Variants in MARCHF8 observed in about 807,000 individuals in gnomAD.
MARCHF8 encodes E3 ubiquitin-protein ligase MARCHF8.
In MARCHF8, 40 loss-of-function variants were observed where a neutral mutation model predicts 51.6. The observed-to-expected ratio is 0.77, with a 90% CI of 0.60 to 1.01. MARCHF8 has a LOEUF of 1.01. MARCHF8 is among the 50% of genes least tolerant of loss of function. The pLI is 0.00. For synonymous variants in MARCHF8, 263 were observed against 280.3 expected (o/e 0.94, Z 0.62); for missense variants, 685 against 708.6 (o/e 0.97, Z 0.38).
intron 2 of MARCHF8, among the ~76,000 whole-genome samples, chr10:45,495,328 TAGTG>T (rs1564484369): frequency 2.6e-5 from 4 of 152,000 alleles, no homozygotes; most frequent in Admixed American, 1.3e-4. Context: ...AAAAAAAAAT[TAGTG>T]AGCAGAGTGG....
chr10:45,480,377 G>A (rs1757235005), intron 3 of MARCHF8, among the ~76,000 whole-genome samples: 1 of 152,170 alleles, frequency 6.6e-6, no homozygotes. Context: ...GTAACGAAGA[G>A]CCAAATGTTA....
chr10:45,576,611 C>G (rs1472867138), intron 1 of MARCHF8, among the ~76,000 whole-genome samples: 3 of 151,766 alleles, frequency 2.0e-5, no homozygotes, highest in Non-Finnish European at 4.4e-5. Flanking sequence ...GAACGTGTCC[C>G]CAAAATTCTC....
intron 1 of MARCHF8, among the ~76,000 whole-genome samples, chr10:45,573,503 GC>G (rs1275908253): frequency 3.3e-5 from 5 of 152,178 alleles, no homozygotes; most frequent in Non-Finnish European, 7.3e-5. Context: ...CGGAAATCTG[GC>G]CACTGGGCGA....
rs1188379532 is a variant in MARCHF8, at chr10:45,455,285, T to C, written c.*2954A>G. On this transcript the variant is annotated 3_prime_UTR_variant, in exon 8 of 8. Transcript: ENST00000453424. The stretch of plus-strand genomic sequence containing the variant: ...AGGCCTACAGTAGGAAGAGACCTTT[T>C]ATAGAGTTTTCAGGAAATTCTCACA... The C allele has an allele frequency of 6.6e-6, 1 of 152,228 alleles. No individual in the cohort carries two copies. Among genetic ancestry groups the C allele is most frequent in the Non-Finnish European group, 1.5e-5 (1 of 68,046 alleles). The allele number at this position is 152,228 out of a possible 1,614,324, so 9.4% of individuals were successfully genotyped here. A position where few individuals can be genotyped will look rare whatever the true frequency, so the allele number is the denominator to read the frequency against.
chr10:45,592,396 G>A (rs2044690627), intron 1 of MARCHF8, among the ~76,000 whole-genome samples: 1 of 152,054 alleles, frequency 6.6e-6, no homozygotes. Flanking sequence ...AACAGTCCAC[G>A]GCTTTAGAAA....
intron 3 of MARCHF8, among the ~76,000 whole-genome samples, chr10:45,484,936 G>A (rs1589106491): frequency 6.6e-6 from 1 of 151,952 alleles, no homozygotes; most frequent in South Asian, 2.1e-4. Context: ...CAGAAACACT[G>A]AAGAATTGAA....
intron 3 of MARCHF8, among the ~76,000 whole-genome samples, chr10:45,472,945 T>TAATAA (rs2042721013): frequency 6.6e-6 from 1 of 152,240 alleles, no homozygotes; most frequent in South Asian, 2.1e-4. Context: ...ACAGCTGTTT[T>TAATAA]CTTCAGAATA....
chr10:45,549,755 G>C lies in MARCHF8; in HGVS notation c.-78-16466C>G, dbSNP rs150294704. 2.7e-3 allele frequency among the ~76,000 whole-genome samples: 418 copies of C among 152,316 alleles called. 2 individuals carry two copies. In the East Asian group the frequency reaches 0.028, roughly 10 times the overall value. The stretch of plus-strand genomic sequence containing the variant: ...AGGAAGTAGGTTAGTTATCATGGGA[G>C]TGGGTTCCTAACAGAAGAATAAGTT... On this transcript the variant is annotated intron_variant, in intron 1 of 6. Transcript: ENST00000319836.
intron 3 of MARCHF8, among the ~76,000 whole-genome samples, chr10:45,477,476 C>T (rs766954951): frequency 5.3e-4 from 80 of 152,078 alleles, no homozygotes; most frequent in Non-Finnish European, 9.7e-4. Flanking sequence ...ACCCACCAAA[C>T]CACAATTATA....
intron 1 of MARCHF8, among the ~76,000 whole-genome samples, chr10:45,534,052 G>A (rs868172232): frequency 1.3e-5 from 2 of 151,942 alleles, no homozygotes; most frequent in African/African-American, 2.4e-5. Context: ...GCATGGTGGC[G>A]GGCGCCTGTA....
chr10:45,579,105 T>C (rs1025846038), intron 1 of MARCHF8, among the ~76,000 whole-genome samples: 2 of 152,214 alleles, frequency 1.3e-5, no homozygotes, highest in African/African-American at 4.8e-5. Context: ...ACTGTGGTTA[T>C]GCAAGAGAAT....
At chr10:45,525,354 T>A (rs2133250204) in intron 2 of MARCHF8, among the ~76,000 whole-genome samples, 1 of 152,352 alleles carries the variant, frequency 6.6e-6, no homozygotes, top group South Asian at 2.1e-4. Flanking sequence ...TATAAGTTGA[T>A]CATTGAATTA....
chr10:45,570,833 G>A (rs1489941182), intron 1 of MARCHF8, among the ~76,000 whole-genome samples: 2 of 151,946 alleles, frequency 1.3e-5, no homozygotes, highest in African/African-American at 2.4e-5. Context: ...TTTTAAAAAC[G>A]TTTCTCAATA....
At chr10:45,498,029 A>T (rs1251799210) in intron 2 of MARCHF8, among the ~76,000 whole-genome samples, 1 of 152,218 alleles carries the variant, frequency 6.6e-6, no homozygotes, top group Non-Finnish European at 1.5e-5. Flanking sequence ...AAAAAACTAC[A>T]GGTAACATTA....
chr10:45,557,177 G>T (rs926039855), intron 1 of MARCHF8, among the ~76,000 whole-genome samples: 3 of 143,588 alleles, frequency 2.1e-5, no homozygotes, highest in African/African-American at 7.9e-5. Flanking sequence ...GCCTGGACTG[G>T]AGTGCAATGG....
chr10:45,497,519 C>A (rs1175218837), intron 2 of MARCHF8, among the ~76,000 whole-genome samples: 1 of 152,126 alleles, frequency 6.6e-6, no homozygotes, highest in South Asian at 2.1e-4. Context: ...TAGAGTAGTC[C>A]ACAAAACAAA....
chr10:45,588,369 A>G (rs1396499065), intron 1 of MARCHF8, among the ~76,000 whole-genome samples: 1 of 152,200 alleles, frequency 6.6e-6, no homozygotes, highest in East Asian at 1.9e-4. Flanking sequence ...ATGAGACGGT[A>G]GTTTTGCCTT....
At position 45,583,123 on chromosome 10, in the gene MARCHF8, T is replaced by C. The variant is rs543656965; in HGVS notation, c.-79+11112A>G. Among the ~76,000 whole-genome samples, 30 of 152,344 alleles carry C rather than the reference T, an allele frequency of 2.0e-4. No individual in the cohort carries two copies. In the South Asian group the frequency reaches 5.4e-3, roughly 27 times the overall value. ...GAATAGAGTTTGCCTCTATTTTTCA[T>C]TGCAAGACTTTATGCTCGCTATTTT... On this transcript the variant is annotated intron_variant, in intron 1 of 6. Coordinates refer to the MARCHF8 transcript ENST00000319836.
intron 1 of MARCHF8, among the ~76,000 whole-genome samples, chr10:45,571,760 T>C (rs2044431568): frequency 6.6e-6 from 1 of 152,126 alleles, no homozygotes; most frequent in Non-Finnish European, 1.5e-5. Flanking sequence ...TCTCTCACTA[T>C]CCCTCAATCT....
Sources: gnomAD v4.1 joint callset for allele counts (sites outside exome capture counted in the v4.1 genomes callset) on GRCh38, gnomAD v4.1.1 for gene constraint, MANE v1.5 for transcripts, NCBI Gene and HGNC (gene_info 2026-07-23, HGNC 2026-07-21) for gene names.